The following EPYC variants were observed in gnomAD, a reference collection of about 807,000 sequenced individuals.
EPYC encodes dermatan sulfate proteoglycan 3.
Under a neutral mutation model 30.1 loss-of-function variants are expected in EPYC, and 28 were observed. That is an observed-to-expected ratio of 0.93 (90% CI 0.69 to 1.28). EPYC has a LOEUF of 1.28. EPYC is among the 50% of genes most tolerant of loss of function. The probability of loss-of-function intolerance (pLI) is 0.00; values close to 1 mark genes in which losing one functional copy is unlikely to be tolerated. For synonymous variants in EPYC, 144 were observed against 141.4 expected, an observed-to-expected ratio of 1.02 and a Z score of -0.13; for missense variants, 382 against 383.5, an observed-to-expected ratio of 1.00 and a Z score of 0.03.
chr12:90,964,598 A>G (rs895645813), intron 6 of EPYC, among the ~76,000 whole-genome samples: 4 of 152,186 alleles, frequency 2.6e-5, no homozygotes, highest in African/African-American at 9.6e-5. Context: ...TCCAAAAATG[A>G]TGAGTATTGT....
intron 2 of EPYC, among the ~76,000 whole-genome samples, 180 bp downstream of exon 2, chr12:91,002,221 A>T (rs932759745): frequency 6.7e-6 from 1 of 148,928 alleles, no homozygotes; most frequent in Non-Finnish European, 1.5e-5. Context: ...AGGGCAAAAG[A>T]CTGTTCCGGT....
intron 6 of EPYC, among the ~76,000 whole-genome samples, chr12:90,969,523 T>TA (rs71094700): frequency 0.78 from 114,167 of 146,872 alleles, 44,642 homozygotes; most frequent in South Asian, 0.9. Context: ...ATATGGTGTT[T>TA]AAAAAAAAAA....
intron 2 of EPYC, among the ~76,000 whole-genome samples, chr12:90,985,453 T>A (rs1228315907): frequency 6.6e-6 from 1 of 151,888 alleles, no homozygotes; most frequent in African/African-American, 2.4e-5. Context: ...TCTGGAGGCA[T>A]TATTAAACCT....
chr12:90,967,531 G>A (rs1876928726), intron 6 of EPYC, among the ~76,000 whole-genome samples: 1 of 151,996 alleles, frequency 6.6e-6, no homozygotes, highest in African/African-American at 2.4e-5. Context: ...GGTCTACCTG[G>A]GAAATGTTCC....
chr12:90,977,224 A>G lies in EPYC; in HGVS notation c.340+864T>C, dbSNP rs1877208098. On this transcript the variant is annotated intron_variant, in intron 3 of 6. Coordinates refer to ENST00000261172, the MANE Select transcript of EPYC (RefSeq NM_004950.5). ...CTCTCTATTTTTTTCTATACTCCCT[A>G]ACTATGCCATTCTCTGTGTATATAA... is the stretch of plus-strand genomic sequence containing the variant. 2.0e-5 allele frequency among the ~76,000 whole-genome samples: 3 copies of G among 152,146 alleles called. No homozygotes were observed. In the South Asian group the frequency reaches 6.2e-4, roughly 32 times the overall value.
rs551433383 is a variant in EPYC at position 90,982,567 on chromosome 12, C to T, written c.166-4305G>A. 7.0e-4 allele frequency among the ~76,000 whole-genome samples: 106 copies of T among 152,074 alleles called. 1 individual carries two copies. The highest frequency in any genetic ancestry group is 2.3e-3 in the African/African-American group (96 of 41,516). On this transcript the variant is annotated intron_variant, in intron 2 of 6. Coordinates refer to ENST00000261172, the MANE Select transcript of EPYC (RefSeq NM_004950.5). ...ATTAGGCAAATAATTTCTGTATTTG[C>T]CTATTCTGGACTATTCTTTTCTCTC...
chr12:90,978,825 T>A (rs540658767), intron 2 of EPYC, among the ~76,000 whole-genome samples: 7 of 152,238 alleles, frequency 4.6e-5, no homozygotes, highest in African/African-American at 1.7e-4. Flanking sequence ...AAAGTATCCT[T>A]TATACTAAAA....
chr12:90,989,514 C>CT (rs554349167), intron 2 of EPYC, among the ~76,000 whole-genome samples: 47 of 151,716 alleles, frequency 3.1e-4, no homozygotes, highest in Admixed American at 9.9e-4. Flanking sequence ...CATGTACATG[C>CT]TTTTTTTTAA....
At chr12:90,975,632 G>A (rs896931961) in intron 3 of EPYC, among the ~76,000 whole-genome samples, 20 of 152,152 alleles carry the variant, frequency 1.3e-4, no homozygotes, top group African/African-American at 4.6e-4. Flanking sequence ...AAAGGATTGG[G>A]CATTCTGCTT....
chr12:90,985,105 A>G (rs982451236), intron 2 of EPYC, among the ~76,000 whole-genome samples: 6 of 152,230 alleles, frequency 3.9e-5, no homozygotes, highest in Middle Eastern at 3.4e-3. Flanking sequence ...CAAATTCCTT[A>G]CTGGTCAGCA....
intron 3 of EPYC, among the ~76,000 whole-genome samples, chr12:90,974,424 C>T (rs1003598804): frequency 6.6e-6 from 1 of 151,988 alleles, no homozygotes; most frequent in African/African-American, 2.4e-5. Context: ...GTTGAAAATG[C>T]TGAGAGGTTT....
At chr12:90,973,033 G>C (rs1877094654) in intron 3 of EPYC, 53 bp from the exon 4 acceptor site, 1 of 1,280,282 alleles carries the variant, frequency 7.8e-7, no homozygotes. Context: ...CAATTTCTAA[G>C]AAATAATGTG....
intron 2 of EPYC, among the ~76,000 whole-genome samples, chr12:90,993,424 T>A (rs1003656641): frequency 1.3e-5 from 2 of 152,150 alleles, no homozygotes; most frequent in African/African-American, 4.8e-5. Context: ...TTTTGAGCTC[T>A]ATTTCTGTGT....
intron 6 of EPYC, among the ~76,000 whole-genome samples, chr12:90,967,906 G>A (rs1326259970): frequency 6.6e-6 from 1 of 152,100 alleles, no homozygotes; most frequent in Non-Finnish European, 1.5e-5. Flanking sequence ...GGTGTTTGAG[G>A]CTGTGGTAAG....
chr12:90,977,289 T>C (rs1877209279), intron 3 of EPYC, among the ~76,000 whole-genome samples: 1 of 152,158 alleles, frequency 6.6e-6, no homozygotes. Context: ...CCCCCAAGGT[T>C]GACAGTGACA....
At chr12:91,002,262 G>T in intron 2 of EPYC, 139 bp downstream of exon 2, 1 of 610,574 alleles carries the variant, frequency 1.6e-6, no homozygotes. Flanking sequence ...ACATGTTTTG[G>T]AGAAAAGGTT....
rs2120809014 is a variant in EPYC at position 90,972,838 on chromosome 12, A to G, written c.483T>C (p.Asn161=). The change falls in exon 4 of 7, where the codon AAT becomes AAC. Residue 161 remains asparagine, a synonymous_variant. Coordinates refer to ENST00000261172, the MANE Select transcript of EPYC (RefSeq NM_004950.5). ...CATCCATACTTAGGCTTGCAAAGTC[A>G]TTTTTGTTGATCTTTTTAATTCTGT... ...RFNRIKKINK[N]DFASLSDLKR... The G allele has an allele frequency of 6.2e-7, 1 of 1,613,538 alleles. No homozygotes were observed. Among genetic ancestry groups the G allele is most frequent in the Non-Finnish European group, 8.5e-7 (1 of 1,179,652 alleles).
intron 2 of EPYC, among the ~76,000 whole-genome samples, chr12:90,990,271 T>C (rs1877551291): frequency 6.6e-6 from 1 of 152,102 alleles, no homozygotes; most frequent in Non-Finnish European, 1.5e-5. Context: ...AATCCATGCC[T>C]TTTAATTTGT....
chr12:90,991,485 A>G (rs1307153740), intron 2 of EPYC, among the ~76,000 whole-genome samples: 1 of 152,228 alleles, frequency 6.6e-6, no homozygotes, highest in Non-Finnish European at 1.5e-5. Context: ...TGTTTTGGAC[A>G]GTGTTACTTT....
Sources: gnomAD v4.1 joint callset for allele counts (sites outside exome capture counted in the v4.1 genomes callset) on GRCh38, gnomAD v4.1.1 for gene constraint, MANE v1.5 for transcripts, NCBI Gene and HGNC (gene_info 2026-07-23, HGNC 2026-07-21) for gene names.